Variants in NUP188 observed in about 807,000 individuals in gnomAD.
NUP188 encodes the protein nucleoporin NUP188.
In NUP188, 97 loss-of-function variants were observed where a neutral mutation model predicts 223.0. The observed-to-expected ratio is 0.43, with a 90% CI of 0.37 to 0.51. The LOEUF is 0.51. NUP188 is among the 20% of genes least tolerant of loss of function. The pLI, the probability that NUP188 is intolerant of heterozygous loss-of-function variation, is 0.00. For synonymous variants in NUP188, 869 were observed against 828.0 expected (o/e 1.05, Z -0.85); for missense variants, 1,947 against 2,175.6 (o/e 0.89, Z 2.09).
rs1266425166 is a variant in NUP188 at position 128,970,761 on chromosome 9, A to G, written c.916A>G (p.Met306Val). ...ATGTGTTTTCTTCTCTCACTAGGAT[A>G]TGGACTGTTTAATGTTGACCTTTGG... ...FAQDGLICQD[M>V]DCLMLTFGDI... The change falls in exon 11 of 44, where the codon ATG becomes GTG. Residue 306 changes from methionine to valine, a missense_variant. Around this residue, in one of 3 missense-constraint regions of NUP188, gnomAD observed 817 missense variants for 865.8 expected, o/e 0.94. Transcript: ENST00000372577. 5.0e-6 allele frequency: 8 copies of G among 1,613,794 alleles called. No homozygotes were observed. In the South Asian group the frequency reaches 6.6e-5, roughly 13 times the overall value.
At chr9:128,966,164 TGTGTGC>T (rs892500438) in intron 8 of NUP188, among the ~76,000 whole-genome samples, 3 of 146,696 alleles carry the variant, frequency 2.0e-5, no homozygotes, top group African/African-American at 7.7e-5. Flanking sequence ...TGTGTGTGTG[TGTGTGC>T]GTGTGCCCAG....
intron 11 of NUP188, among the ~76,000 whole-genome samples, chr9:128,971,514 G>T (rs1397316761): frequency 1.3e-5 from 2 of 152,062 alleles, no homozygotes; most frequent in Non-Finnish European, 2.9e-5. Flanking sequence ...TGCCTCCCAA[G>T]TTCAAGCGAT....
At chr9:128,954,097 T>C (rs1041752931) in intron 3 of NUP188, among the ~76,000 whole-genome samples, 2 of 152,220 alleles carry the variant, frequency 1.3e-5, no homozygotes, top group Non-Finnish European at 2.9e-5. Flanking sequence ...CCCAAAGTGC[T>C]GAGATTACAG....
chr9:128,968,772 A>C (rs1356788866), intron 9 of NUP188, 55 bp downstream of exon 9: 18 of 1,362,532 alleles, frequency 1.3e-5, no homozygotes, highest in Non-Finnish European at 1.5e-5. Flanking sequence ...CATTGATACT[A>C]TAGTGGTATG....
chr9:128,969,547 G>T (rs750660732), intron 10 of NUP188, 33 bp downstream of exon 10: 2 of 1,239,148 alleles, frequency 1.6e-6, no homozygotes, highest in Non-Finnish European at 1.1e-6. Flanking sequence ...TTTTCAGAGG[G>T]TTTATAAGTT....
At chr9:128,976,198 G>C (rs1405012575) in intron 12 of NUP188, among the ~76,000 whole-genome samples, 3 of 152,140 alleles carry the variant, frequency 2.0e-5, no homozygotes, top group Admixed American at 2.0e-4. Flanking sequence ...CCTGAAATCT[G>C]CTTATTCTAA....
chr9:128,998,348 G>C (rs1842568257), intron 31 of NUP188, 120 bp downstream of exon 31: 1 of 1,052,320 alleles, frequency 9.5e-7, no homozygotes, highest in Non-Finnish European at 1.5e-6. Context: ...GCTCACGTTG[G>C]CCTGGGAGGC....
At chr9:128,985,783 C>G (rs941807271) in intron 20 of NUP188, among the ~76,000 whole-genome samples, 2 of 152,236 alleles carry the variant, frequency 1.3e-5, no homozygotes, top group African/African-American at 4.8e-5. Flanking sequence ...GCCTGTAATC[C>G]CAGCACTTTG....
rs767328473 is a variant in NUP188, at chr9:128,990,198, C to A, written c.2612C>A (p.Ala871Asp). 35 of 1,613,946 alleles carry A rather than the reference C, an allele frequency of 2.2e-5. No homozygotes were observed. The highest frequency in any genetic ancestry group is 2.3e-5 in the Non-Finnish European group (27 of 1,179,910). ...CATGACCCTGCTTTGCCACGTCTTG[C>A]CATTCAGCTGCTGAAACGTCTGGCC... ...HKHDPALPRL[A>D]IQLLKRLATV... Residue 871 changes from alanine (A) to aspartate (D), a missense_variant, in exon 25 of 44, where the codon GCC (alanine) becomes GAC (aspartate). By Grantham distance (126) the Ala-to-Asp change is moderately radical. Around this residue, in one of 3 missense-constraint regions of NUP188, gnomAD observed 225 missense variants for 319.1 expected, o/e 0.71. Transcript: ENST00000372577.
Position 128,973,267 on chromosome 9 carries a change from A to C in NUP188, c.1203+18A>C. 1 of 1,601,270 alleles carries C rather than the reference A, an allele frequency of 6.2e-7. No individual in the cohort carries two copies. The highest frequency in any genetic ancestry group is 8.5e-7 in the Non-Finnish European group (1 of 1,170,218). Reference sequence around the variant, plus strand: ...ATCAGCAGGTCAGTGTCTGGCTTTCATGAAGCTGTCTCTACTGCCCAGCTT... The same window carrying C: ...ATCAGCAGGTCAGTGTCTGGCTTTCCTGAAGCTGTCTCTACTGCCCAGCTT... On this transcript the variant is annotated intron_variant, in intron 12 of 43. Coordinates refer to ENST00000372577, the MANE Select transcript of NUP188 (RefSeq NM_015354.3).
chr9:128,996,198 G>A (rs1318640073), intron 30 of NUP188, among the ~76,000 whole-genome samples: 1 of 151,176 alleles, frequency 6.6e-6, no homozygotes, highest in African/African-American at 2.4e-5. Context: ...CACCCAGGCT[G>A]GAATGCAGTG....
rs1483789624 is a variant in NUP188 at position 128,970,684 on chromosome 9, G to A, written c.913-74G>A. 57 of 1,278,650 alleles carry A rather than the reference G, an allele frequency of 4.5e-5. 1 individual carries two copies. The highest frequency in any genetic ancestry group is 6.0e-5 in the Non-Finnish European group (53 of 886,898). The allele number at this position is 1,278,650 out of a possible 1,614,324, so 79.2% of individuals were successfully genotyped here. A position where few individuals can be genotyped will look rare whatever the true frequency, so the allele number is the denominator to read the frequency against. ...ACTCTTTATGGCTTGCTTATTGAGC[G>A]TGATGAAGAATCTGGTCGAGGGATA... On this transcript the variant is annotated intron_variant, in intron 10 of 43. Transcript: ENST00000372577.
chr9:128,981,235 A>G, intron 14 of NUP188, 29 bp from the exon 15 acceptor site: 1 of 1,608,548 alleles, frequency 6.2e-7, no homozygotes. Context: ...CTGGAGGGAA[A>G]TGTGTGATGG....
At position 128,958,026 on chromosome 9, in the gene NUP188, A is replaced by C; in HGVS notation, c.344A>C (p.Glu115Ala). 6.2e-7 allele frequency: 1 copy of C among 1,613,346 alleles called. No individual in the cohort carries two copies. Among genetic ancestry groups the C allele is most frequent in the East Asian group, 2.2e-5 (1 of 44,870 alleles). The change falls in exon 6 of 44, where the codon GAG (glutamate) becomes GCG (alanine). Residue 115 changes from glutamate to alanine, a missense_variant. Physicochemically the swap from Glu to Ala is moderately radical, Grantham distance 107. Around this residue, in one of 3 missense-constraint regions of NUP188, gnomAD observed 817 missense variants for 865.8 expected, o/e 0.94. Transcript: ENST00000372577. The stretch of plus-strand genomic sequence containing the variant: ...TCTTTTCAGACAGTACTGCAAGATG[A>C]GAGGCAGAGCCAGGCCTTAATCCTG... ...RDSVKTVLQD[E>A]RQSQALILKI...
intron 36 of NUP188, among the ~76,000 whole-genome samples, chr9:129,002,333 C>T (rs993065173): frequency 6.6e-6 from 1 of 152,256 alleles, no homozygotes; most frequent in Non-Finnish European, 1.5e-5. Flanking sequence ...TCCACCCCTG[C>T]ACCACCAGAC....
intron 30 of NUP188, among the ~76,000 whole-genome samples, chr9:128,996,029 A>G (rs1842518778): frequency 1.3e-5 from 2 of 152,046 alleles, no homozygotes; most frequent in African/African-American, 4.8e-5. Context: ...GTTGGTTTTG[A>G]GAGAGAGAGA....
At chr9:128,994,340 A>C in intron 27 of NUP188, 33 bp from the exon 28 acceptor site, 2 of 1,487,970 alleles carry the variant, frequency 1.3e-6, no homozygotes, top group Non-Finnish European at 1.9e-6. Flanking sequence ...AGAGGGAAAA[A>C]GTTATGATTT....
intron 3 of NUP188, among the ~76,000 whole-genome samples, chr9:128,955,908 A>G (rs184072519): frequency 4.4e-4 from 67 of 151,788 alleles, no homozygotes; most frequent in Non-Finnish European, 8.1e-4. Flanking sequence ...ATATATTAAT[A>G]TATGTATGTA....
At chr9:128,953,115 A>G (rs887240479) in intron 3 of NUP188, among the ~76,000 whole-genome samples, 4 of 152,232 alleles carry the variant, frequency 2.6e-5, no homozygotes, top group African/African-American at 9.6e-5. Flanking sequence ...CGAATTTTCT[A>G]ATATTTATTC....
Sources: allele counts gnomAD v4.1 joint callset (sites outside exome capture counted in the v4.1 genomes callset), GRCh38; gene constraint gnomAD v4.1.1; regional missense constraint gnomAD v4.1.1; transcripts MANE v1.5; gene names NCBI Gene and HGNC (gene_info 2026-07-23, HGNC 2026-07-21).